The following MACROD2 variants were observed in gnomAD, a reference collection of about 807,000 sequenced individuals.
MACROD2 encodes mono-ADP ribosylhydrolase 2.
In MACROD2, 36 loss-of-function variants were observed where a neutral mutation model predicts 70.4. That is an observed-to-expected ratio of 0.51 (90% confidence interval 0.39 to 0.68). The LOEUF is 0.68. Among genes scored for constraint, MACROD2 ranks in the 30% least tolerant of loss-of-function variants. The pLI is 0.00. For synonymous variants in MACROD2, 172 were observed against 178.8 expected (o/e 0.96, Z 0.30); for missense variants, 496 against 538.4 (o/e 0.92, Z 0.78).
In MACROD2 at chr20:15,643,031, C is replaced by A. The variant is rs73900029; in HGVS notation, c.645+143184C>A. Among the ~76,000 whole-genome samples the A allele has an allele frequency of 7.3e-3, 1,105 of 152,278 alleles. 16 individuals carry two copies. Among genetic ancestry groups the A allele is most frequent in the African/African-American group, 0.026 (1,073 of 41,550 alleles). ...TATCCACTTTGCTTTAGCTGGAAAA[C>A]AAGTTTTTCCATATTGCAAGAAATA... is the stretch of plus-strand genomic sequence containing the variant. On this transcript the variant is annotated intron_variant, in intron 8 of 17. Transcript: ENST00000684519.
At chr20:14,926,718 A>G (rs920094605) in intron 5 of MACROD2, among the ~76,000 whole-genome samples, 1 of 151,990 alleles carries the variant, frequency 6.6e-6, no homozygotes, top group Non-Finnish European at 1.5e-5. Flanking sequence ...CATGATTTCA[A>G]CTCTTCCAAT....
chr20:14,492,419 A>G (rs929022163), intron 3 of MACROD2, among the ~76,000 whole-genome samples: 2 of 152,152 alleles, frequency 1.3e-5, no homozygotes, highest in African/African-American at 4.8e-5. Flanking sequence ...ATTCTCTTTA[A>G]TGTAACAACA....
chr20:15,978,966 TTTAA>T (rs2147446000), intron 13 of MACROD2, among the ~76,000 whole-genome samples: 1 of 152,316 alleles, frequency 6.6e-6, no homozygotes, highest in African/African-American at 2.4e-5. Flanking sequence ...ATGCTTTAGT[TTTAA>T]TTATTTTATT....
At chr20:14,780,773 G>C (rs2072291078) in intron 5 of MACROD2, among the ~76,000 whole-genome samples, 1 of 151,990 alleles carries the variant, frequency 6.6e-6, no homozygotes, top group Non-Finnish European at 1.5e-5. Flanking sequence ...AGTGGTATTA[G>C]TCAGTCAAAA....
At chr20:15,819,250 A>G (rs201310165) in intron 8 of MACROD2, among the ~76,000 whole-genome samples, 1 of 114,542 alleles carries the variant, frequency 8.7e-6, no homozygotes, top group Non-Finnish European at 2.0e-5. Context: ...AACATATATA[A>G]ATATTTACAT....
At chr20:16,036,789 A>G (rs890611388) in intron 15 of MACROD2, among the ~76,000 whole-genome samples, 2 of 152,010 alleles carry the variant, frequency 1.3e-5, no homozygotes, top group Non-Finnish European at 2.9e-5. Flanking sequence ...TTTCCAAACA[A>G]ACAACTCACA....
chr20:14,867,608 T>C (rs1233058537), intron 5 of MACROD2, among the ~76,000 whole-genome samples: 1 of 152,142 alleles, frequency 6.6e-6, no homozygotes, highest in Non-Finnish European at 1.5e-5. Flanking sequence ...ATCTGCCATG[T>C]TGATTTCTTT....
chr20:15,180,910 TATTA>T (rs1175563515), intron 5 of MACROD2, among the ~76,000 whole-genome samples: 12 of 152,290 alleles, frequency 7.9e-5, no homozygotes, highest in Non-Finnish European at 1.5e-4. Flanking sequence ...TCCAATTTTT[TATTA>T]ATTATGTCGT....
chr20:15,911,818 C>G (rs1396564728), intron 10 of MACROD2, among the ~76,000 whole-genome samples: 1 of 152,078 alleles, frequency 6.6e-6, no homozygotes, highest in African/African-American at 2.4e-5. Context: ...GTACTGTTAG[C>G]CTCTGGAAAG....
chr20:15,815,178 A>C (rs13042688), intron 8 of MACROD2, among the ~76,000 whole-genome samples: 1 of 152,026 alleles, frequency 6.6e-6, no homozygotes, highest in Admixed American at 6.6e-5. Context: ...GCAGTGACTC[A>C]TTTCTTTAAA....
At chr20:14,587,861 C>G (rs548128631) in intron 4 of MACROD2, among the ~76,000 whole-genome samples, 2 of 152,052 alleles carry the variant, frequency 1.3e-5, no homozygotes, top group South Asian at 2.1e-4. Context: ...AAAATTCACC[C>G]TTTTAGTATA....
intron 3 of MACROD2, among the ~76,000 whole-genome samples, chr20:14,248,636 A>G (rs2081986506): frequency 6.6e-6 from 1 of 152,118 alleles, no homozygotes; most frequent in South Asian, 2.1e-4. Flanking sequence ...CCCTCAGGCT[A>G]TGTGCATAAA....
At position 14,837,939 on chromosome 20, in the gene MACROD2, A is replaced by T. The variant is rs13041860; in HGVS notation, c.418+152980A>T. On this transcript the variant is annotated intron_variant, in intron 5 of 17. Coordinates refer to ENST00000684519, the MANE Select transcript of MACROD2 (RefSeq NM_001351661.2). ...ATGTCAACTATTATCAGGCACAGCCAAAAAACAAAACAAAACAAAACAAAA... is the reference window on the plus strand; with the variant it reads ...ATGTCAACTATTATCAGGCACAGCCTAAAAACAAAACAAAACAAAACAAAA... Among the ~76,000 whole-genome samples the T allele has an allele frequency of 1.1e-3, 105 of 99,278 alleles. 2 individuals are homozygous for T. The East Asian group carries it at 0.021, about 20-fold the overall frequency. The allele number at this position is 99,278 out of a possible 152,430, so 65.1% of individuals were successfully genotyped here.
At chr20:15,106,725 C>T (rs768484983) in intron 5 of MACROD2, among the ~76,000 whole-genome samples, 97 of 152,040 alleles carry the variant, frequency 6.4e-4, no homozygotes, top group Non-Finnish European at 7.6e-4. Flanking sequence ...CTACAGAGAA[C>T]CCATCTTGTT....
chr20:14,047,665 A>G (rs1408170373), intron 2 of MACROD2, among the ~76,000 whole-genome samples: 1 of 152,158 alleles, frequency 6.6e-6, no homozygotes, highest in Non-Finnish European at 1.5e-5. Flanking sequence ...TGGAGGTGGC[A>G]GTATTGACAA....
chr20:14,729,204 A>C (rs1600595788), intron 5 of MACROD2, among the ~76,000 whole-genome samples: 1 of 152,300 alleles, frequency 6.6e-6, no homozygotes, highest in Non-Finnish European at 1.5e-5. Flanking sequence ...CAAATTATAC[A>C]AATATCATAG....
At chr20:15,238,752 A>G (rs761936833) in intron 6 of MACROD2, among the ~76,000 whole-genome samples, 1 of 152,194 alleles carries the variant, frequency 6.6e-6, no homozygotes, top group Non-Finnish European at 1.5e-5. Flanking sequence ...CAAGAAAACT[A>G]TGTTTAAAAT....
At chr20:14,668,362 A>G (rs1431189754) in intron 4 of MACROD2, among the ~76,000 whole-genome samples, 1 of 152,104 alleles carries the variant, frequency 6.6e-6, no homozygotes, top group Non-Finnish European at 1.5e-5. Context: ...AGGGGTAGAA[A>G]ACTGGATAAT....
At chr20:15,985,844 C>T (rs1335387029) in intron 13 of MACROD2, 2 of 152,200 alleles carry the variant, frequency 1.3e-5, no homozygotes, top group South Asian at 2.1e-4. Flanking sequence ...CTGGGAGCAT[C>T]GGCAAGCTAC....
Sources: gnomAD v4.1 joint callset for allele counts (sites outside exome capture counted in the v4.1 genomes callset) on GRCh38, gnomAD v4.1.1 for gene constraint, MANE v1.5 for transcripts, NCBI Gene and HGNC (gene_info 2026-07-23, HGNC 2026-07-21) for gene names.